The following ZNF236 variants were observed in gnomAD, a reference collection of about 807,000 sequenced individuals.
ZNF236 encodes the protein zinc finger protein 236.
A neutral mutation model predicts 191.2 loss-of-function variants in ZNF236; 50 were observed. The ratio of observed to expected loss-of-function variants is 0.26; its 90% CI spans 0.21 to 0.33. The LOEUF (loss-of-function observed/expected upper bound fraction) is 0.33, where lower values mean the gene tolerates loss of function less well. Among genes scored for constraint, ZNF236 ranks in the 10% least tolerant of loss-of-function variants. The pLI is 1.00. For missense variants in ZNF236, 1,754 were observed against 2,374.5 expected (o/e 0.74, Z 5.43); for synonymous variants, 907 against 928.8 (o/e 0.98, Z 0.43).
chr18:76,828,272 T>G (rs1443927399), intron 1 of ZNF236, among the ~76,000 whole-genome samples: 1 of 151,976 alleles, frequency 6.6e-6, no homozygotes, highest in African/African-American at 2.4e-5. Context: ...GTTCAAGTGA[T>G]TCTCCCACCT....
intron 27 of ZNF236, among the ~76,000 whole-genome samples, chr18:76,948,689 G>A (rs942834725): frequency 2.0e-5 from 3 of 152,188 alleles, no homozygotes; most frequent in Non-Finnish European, 4.4e-5. Flanking sequence ...GTGTGACACC[G>A]CCTGCCAAGT....
chr18:76,952,957 G>C (rs900851965), intron 27 of ZNF236, among the ~76,000 whole-genome samples: 1 of 152,216 alleles, frequency 6.6e-6, no homozygotes, highest in African/African-American at 2.4e-5. Context: ...GGACCCTGCT[G>C]GTGGCGTTGG....
intron 12 of ZNF236, 46 bp downstream of exon 12, chr18:76,904,567 A>C (rs1977688266): frequency 5.2e-6 from 8 of 1,526,908 alleles, no homozygotes; most frequent in Non-Finnish European, 6.2e-6. Flanking sequence ...AATTAAACTG[A>C]CTTAGTGACC....
chr18:76,891,641 G>A (rs1432355412), intron 9 of ZNF236, among the ~76,000 whole-genome samples: 3 of 152,094 alleles, frequency 2.0e-5, no homozygotes, highest in African/African-American at 7.2e-5. Flanking sequence ...GCCTCCCAAA[G>A]TGCTGGTATT....
intron 1 of ZNF236, among the ~76,000 whole-genome samples, chr18:76,837,379 T>G (rs1599315665): frequency 6.6e-6 from 1 of 152,082 alleles, no homozygotes; most frequent in South Asian, 2.1e-4. Context: ...TGATCTGATT[T>G]AATTTTTGTA....
chr18:76,858,686 G>A (rs1002843876), intron 3 of ZNF236, among the ~76,000 whole-genome samples: 2 of 146,298 alleles, frequency 1.4e-5, no homozygotes, highest in African/African-American at 5.1e-5. Context: ...GGAGGCGGGT[G>A]CAGGTGGAGG....
At chr18:76,967,895 G>A (rs1180994585) in intron 30 of ZNF236, among the ~76,000 whole-genome samples, 2 of 152,114 alleles carry the variant, frequency 1.3e-5, no homozygotes, top group Non-Finnish European at 2.9e-5. Flanking sequence ...ACACTGTAGT[G>A]CTTCCTGCTT....
At chr18:76,844,499 C>A (rs781190349) in intron 1 of ZNF236, among the ~76,000 whole-genome samples, 4 of 151,984 alleles carry the variant, frequency 2.6e-5, no homozygotes, top group Non-Finnish European at 5.9e-5. Context: ...TATGTTAGAA[C>A]GATTTTTATT....
At chr18:76,833,240 G>A (rs374151118) in intron 1 of ZNF236, among the ~76,000 whole-genome samples, 10 of 151,942 alleles carry the variant, frequency 6.6e-5, no homozygotes, top group African/African-American at 2.2e-4. Context: ...CTTCTATAAC[G>A]GTGAATAAAT....
Position 76,875,726 on chromosome 18 carries a change from A to C in ZNF236, c.840+62A>C, listed in dbSNP as rs922163415. ...GGGGACAGTAGGTATCTTTTGGGTT[A>C]ATAAACGGACCTGAGAAATTCTTTT... On this transcript the variant is annotated intron_variant, in intron 6 of 30. Transcript: ENST00000320610. This position sits in a 1 kb window ranked among gnomAD's most constrained non-coding sequence, Gnocchi z 4.3. 30 of 1,327,150 alleles carry C rather than the reference A, an allele frequency of 2.3e-5. No individual in the cohort carries two copies. The highest frequency in any genetic ancestry group is 2.9e-5 in the Non-Finnish European group (30 of 1,024,340). 82.2% of individuals were successfully genotyped at this position (1,327,150 alleles called of 1,614,324 possible). A position where few individuals can be genotyped will look rare whatever the true frequency, so the allele number is the denominator to read the frequency against.
At chr18:76,831,184 GT>G (rs1455700470) in intron 1 of ZNF236, among the ~76,000 whole-genome samples, 1 of 152,156 alleles carries the variant, frequency 6.6e-6, no homozygotes, top group African/African-American at 2.4e-5. Context: ...ATACAGAATA[GT>G]TTCACTGCCC....
intron 20 of ZNF236, among the ~76,000 whole-genome samples, chr18:76,921,737 CTT>C (rs11380490): frequency 1.8e-4 from 18 of 98,044 alleles, no homozygotes; most frequent in African/African-American, 5.3e-4. Flanking sequence ...GTGGGATGTT[CTT>C]TTTTTTTTTT....
At chr18:76,865,482 T>C (rs1568202278) in intron 3 of ZNF236, among the ~76,000 whole-genome samples, 1 of 152,248 alleles carries the variant, frequency 6.6e-6, no homozygotes, top group Non-Finnish European at 1.5e-5. Context: ...GTTGGAATTA[T>C]TGCTTTTTAA....
chr18:76,854,170 T>C (rs1228283032), intron 3 of ZNF236, among the ~76,000 whole-genome samples: 1 of 152,158 alleles, frequency 6.6e-6, no homozygotes, highest in Non-Finnish European at 1.5e-5. Flanking sequence ...ACACCATAAA[T>C]ATGTACAGTT....
intron 1 of ZNF236, among the ~76,000 whole-genome samples, chr18:76,833,625 G>C (rs1224208781): frequency 1.3e-5 from 2 of 152,034 alleles, no homozygotes; most frequent in Non-Finnish European, 2.9e-5. Context: ...CTGTGTTTAT[G>C]AGCCACATTG....
chr18:76,966,944 G>C lies in ZNF236; in HGVS notation c.5420-1271G>C, dbSNP rs539180997. On this transcript the variant is annotated intron_variant, in intron 30 of 30. Transcript: ENST00000320610. ...CCTTGGTGTGCTCCATGCATTTTGC[G>C]GGTGTGATTTGATTGTTCGAGGTGG... is the stretch of plus-strand genomic sequence containing the variant. Among the ~76,000 whole-genome samples, 4 of 152,326 alleles carry C rather than the reference G, an allele frequency of 2.6e-5. No homozygotes were observed. In the South Asian group the frequency reaches 8.3e-4, roughly 32 times the overall value.
At chr18:76,924,606 G>T (rs1390349955) in intron 21 of ZNF236, among the ~76,000 whole-genome samples, 2 of 152,192 alleles carry the variant, frequency 1.3e-5, no homozygotes, top group Non-Finnish European at 2.9e-5. Context: ...TGCTCATGGT[G>T]CTCCGAGCCT....
intron 26 of ZNF236, among the ~76,000 whole-genome samples, chr18:76,940,449 C>T (rs1395887576): frequency 1.3e-5 from 2 of 152,242 alleles, no homozygotes; most frequent in African/African-American, 4.8e-5. Flanking sequence ...AGTCAGCTCC[C>T]AGGGTCCCTG....
At position 76,947,642 on chromosome 18, in the gene ZNF236, T is replaced by C; in HGVS notation, c.4904T>C (p.Ile1635Thr). 6.2e-7 allele frequency: 1 copy of C among 1,613,412 alleles called. No homozygotes were observed. The highest frequency in any genetic ancestry group is 8.5e-7 in the Non-Finnish European group (1 of 1,179,668). ...PQSASAACEE[I>T]AYQVAGVSGN... ...TCAGCGTCTGCTGCTTGTGAAGAAA[T>C]AGCCTACCAGGTACAGGATATTCCT... Residue 1635 changes from isoleucine to threonine, a missense_variant, in exon 27 of 31, where the codon ATA becomes ACA. Transcript: ENST00000320610.
Sources: gnomAD v4.1 joint callset for allele counts (sites outside exome capture counted in the v4.1 genomes callset) on GRCh38, gnomAD v4.1.1 for gene constraint, Gnocchi (gnomAD v3.1) non-coding constraint, MANE v1.5 for transcripts, NCBI Gene and HGNC (gene_info 2026-07-23, HGNC 2026-07-21) for gene names.